MAP1LC3A: variants seen among roughly 807,000 people sequenced by gnomAD.
MAP1LC3A encodes microtubule-associated protein 1 light chain 3 alpha.
Under a neutral mutation model 15.2 loss-of-function variants are expected in MAP1LC3A, and 10 were observed. The ratio of observed to expected loss-of-function variants is 0.66; its 90% CI spans 0.41 to 1.12. MAP1LC3A has a LOEUF of 1.12. Ranked by LOEUF, MAP1LC3A falls within the 50% of genes most tolerant of loss-of-function variation. The pLI, the probability that MAP1LC3A is intolerant of heterozygous loss-of-function variation, is 0.00. For missense variants in MAP1LC3A, 138 were observed against 167.3 expected, an observed-to-expected ratio of 0.82 and a Z score of 0.97; for synonymous variants, 63 against 64.3, an observed-to-expected ratio of 0.98 and a Z score of 0.10.
Position 34,558,787 on chromosome 20 carries a change from GCGGAGCCCC to G in MAP1LC3A, c.-71_-63del, listed in dbSNP as rs902227035. On this transcript the variant is annotated 5_prime_UTR_variant, in exon 1 of 4. Coordinates refer to ENST00000360668, the MANE Select transcript of MAP1LC3A (RefSeq NM_032514.4). This position sits in a 1 kb window ranked among gnomAD's most constrained non-coding sequence, Gnocchi z 4.3. ...GCCCCGGAGCCCTTGAGCGCGAGGCGCGGAGCCCCCGGAGCCCCCAAACCGCAGACACAT... is the reference window on the plus strand; with the variant it reads ...GCCCCGGAGCCCTTGAGCGCGAGGCGCGGAGCCCCCAAACCGCAGACACAT... The G allele has an allele frequency of 8.0e-5, 108 of 1,355,814 alleles. No individual in the cohort carries two copies. Among genetic ancestry groups the G allele is most frequent in the African/African-American group, 1.7e-4 (11 of 64,962 alleles). The allele number at this position is 1,355,814 out of a possible 1,614,324, so 84.0% of individuals were successfully genotyped here.
At chr20:34,553,395 G>T (rs1331734399) in intron 2 of MAP1LC3A, among the ~76,000 whole-genome samples, 1 of 152,054 alleles carries the variant, frequency 6.6e-6, no homozygotes, top group African/African-American at 2.4e-5. Flanking sequence ...GGACTGAAGG[G>T]CGAGTCAGCC....
Position 34,559,900 on chromosome 20 carries a change from C to A in MAP1LC3A, c.*2C>A, listed in dbSNP as rs375255754. The stretch of plus-strand genomic sequence containing the variant: ...TCCCAGGAAACCTTCGGCTTCTGAG[C>A]CAGCAGTAGGGGGGCTCGGCCTGGG... On this transcript the variant is annotated 3_prime_UTR_variant, in exon 4 of 4. Coordinates refer to ENST00000360668, the MANE Select transcript of MAP1LC3A (RefSeq NM_032514.4). 1.6e-5 allele frequency: 25 copies of A among 1,608,942 alleles called. No homozygotes were observed. Among genetic ancestry groups the A allele is most frequent in the Non-Finnish European group, 2.1e-5 (25 of 1,177,962 alleles).
chr20:34,555,007 C>T (rs987118439), upstream of MAP1LC3A, among the ~76,000 whole-genome samples: 15 of 151,576 alleles, frequency 9.9e-5, no homozygotes, highest in Non-Finnish European at 1.5e-4. Context: ...CACACCTGGC[C>T]TATTTTTTGT....
At chr20:34,554,354 G>GTTTTTTTTTTTTTTTTTTTTTT (rs537779341), upstream of MAP1LC3A, among the ~76,000 whole-genome samples, 1 of 106,186 alleles carries the variant, frequency 9.4e-6, no homozygotes, top group Non-Finnish European at 1.8e-5. Flanking sequence ...TATACGTTGG[G>GTTTTTTTTTTTTTTTTTTTTTT]TTTTTTTTTT....
At chr20:34,547,782 C>T (rs1045624416) in intron 1 of MAP1LC3A, among the ~76,000 whole-genome samples, 3 of 152,178 alleles carry the variant, frequency 2.0e-5, no homozygotes, top group African/African-American at 7.2e-5. Context: ...ATTACTCAGG[C>T]TCGGGCAGTT....
At chr20:34,556,452 T>C (rs528771946), upstream of MAP1LC3A, among the ~76,000 whole-genome samples, 1 of 152,348 alleles carries the variant, frequency 6.6e-6, no homozygotes, top group South Asian at 2.1e-4. Context: ...TTGGGGTTCA[T>C]TGATCTTGAT....
upstream of MAP1LC3A, among the ~76,000 whole-genome samples, chr20:34,555,756 A>G (rs1182284282): frequency 1.3e-5 from 2 of 151,720 alleles, no homozygotes; most frequent in East Asian, 1.9e-4. Flanking sequence ...GGCTCAAGCA[A>G]TTCTCCAGTC....
intron 2 of MAP1LC3A, among the ~76,000 whole-genome samples, chr20:34,550,353 T>C (rs1292588701): frequency 1.3e-5 from 2 of 152,142 alleles, no homozygotes; most frequent in African/African-American, 4.8e-5. Flanking sequence ...GCGCATGGTC[T>C]AGAGGGGGAG....
At chr20:34,548,520 C>T (rs1262004228) in intron 1 of MAP1LC3A, among the ~76,000 whole-genome samples, 7 of 152,172 alleles carry the variant, frequency 4.6e-5, no homozygotes, top group Non-Finnish European at 7.4e-5. Context: ...GGGTGAGGCC[C>T]GGAGGAAGGG....
intron 2 of MAP1LC3A, chr20:34,550,092 C>T (rs1981891487): frequency 9.8e-6 from 15 of 1,528,678 alleles, no homozygotes; most frequent in Middle Eastern, 1.7e-4. Flanking sequence ...TCCACACTCG[C>T]GGTCATCAGT....
intron 2 of MAP1LC3A, among the ~76,000 whole-genome samples, chr20:34,551,564 T>C (rs988441124): frequency 6.8e-6 from 1 of 146,492 alleles, no homozygotes; most frequent in Non-Finnish European, 1.5e-5. Flanking sequence ...CTCTGCCTCC[T>C]GGGTTCAAGT....
rs755920063 is a variant in MAP1LC3A at position 34,559,720 on chromosome 20, C to T, written c.204-16C>T. 70 of 1,593,662 alleles carry T rather than the reference C, an allele frequency of 4.4e-5. No individual in the cohort carries two copies. The highest frequency in any genetic ancestry group is 5.5e-5 in the Non-Finnish European group (65 of 1,173,428). On this transcript the variant is annotated splice_polypyrimidine_tract_variant and intron_variant, in intron 3 of 3. Transcript: ENST00000360668. ...GCCAAGCCCCTCACAGCTGCATACT[C>T]TCCCGCCGGCTGCAGGCGCCGCCTG...
chr20:34,556,954 T>C (rs1464910532), upstream of MAP1LC3A, among the ~76,000 whole-genome samples: 2 of 152,232 alleles, frequency 1.3e-5, no homozygotes, highest in African/African-American at 4.8e-5. Flanking sequence ...AGAACTTTCC[T>C]CTCTTCACAG....
At chr20:34,554,354 G>GTTTTTTTT (rs537779341), upstream of MAP1LC3A, among the ~76,000 whole-genome samples, 14 of 106,164 alleles carry the variant, frequency 1.3e-4, 2 homozygotes, top group Middle Eastern at 5.1e-3. Context: ...TATACGTTGG[G>GTTTTTTTT]TTTTTTTTTT....
chr20:34,550,149 G>A (rs1981893759), intron 2 of MAP1LC3A: 3 of 920,022 alleles, frequency 3.3e-6, no homozygotes, highest in Admixed American at 2.2e-5. Flanking sequence ...GGCCGGCCAA[G>A]GCCAGTTCTC....
chr20:34,547,568 A>C (rs1241532872), intron 1 of MAP1LC3A, among the ~76,000 whole-genome samples: 1 of 151,896 alleles, frequency 6.6e-6, no homozygotes. Context: ...TGATTGAATC[A>C]TGGGGGCGGT....
At chr20:34,553,994 G>C (rs1466790170), upstream of MAP1LC3A, among the ~76,000 whole-genome samples, 1 of 152,182 alleles carries the variant, frequency 6.6e-6, no homozygotes, top group African/African-American at 2.4e-5. Flanking sequence ...TGGTGTGTAG[G>C]AAAGACATGG....
At chr20:34,558,278 G>T (rs1284338998), upstream of MAP1LC3A, 18 of 985,552 alleles carry the variant, frequency 1.8e-5, no homozygotes, top group Non-Finnish European at 2.0e-5. This position sits in a 1 kb window ranked among gnomAD's most constrained non-coding sequence, Gnocchi z 4.3. Flanking sequence ...TTCATTTCTA[G>T]CATCCTGTTC....
upstream of MAP1LC3A, among the ~76,000 whole-genome samples, chr20:34,555,100 G>GT (rs1982103406): frequency 6.6e-6 from 1 of 150,714 alleles, no homozygotes; most frequent in Non-Finnish European, 1.5e-5. Flanking sequence ...TCCTTCCTGA[G>GT]TAGTTGGGAC....
Sources: allele counts gnomAD v4.1 joint callset (sites outside exome capture counted in the v4.1 genomes callset), GRCh38; gene constraint gnomAD v4.1.1; non-coding constraint Gnocchi (gnomAD v3.1); transcripts MANE v1.5; gene names NCBI Gene and HGNC (gene_info 2026-07-23, HGNC 2026-07-21).